Variants in CFAP210 observed in about 807,000 individuals in gnomAD.
CFAP210 encodes cilia- and flagella- associated protein 210.
the CFAP210 span, among the ~76,000 whole-genome samples, chr2:169,686,073 C>T: frequency 6.6e-6 from 1 of 152,104 alleles, no homozygotes; most frequent in African/African-American, 2.4e-5. Flanking sequence ...AGTGGCTATT[C>T]ATAAGCACAA....
chr2:169,671,192 C>T, the CFAP210 span, among the ~76,000 whole-genome samples: 1 of 152,160 alleles, frequency 6.6e-6, no homozygotes, highest in Admixed American at 6.5e-5. Flanking sequence ...ATACTACAGC[C>T]ATCTTGACTA....
At chr2:169,667,039 G>C in the CFAP210 span, among the ~76,000 whole-genome samples, 15,194 of 151,864 alleles carry the variant, frequency 0.1, 961 homozygotes, top group Middle Eastern at 0.19. Context: ...CTGAAGTCTT[G>C]AACCCCTCAA....
At chr2:169,675,041 C>T in the CFAP210 span, 1 of 1,477,926 alleles carries the variant, frequency 6.8e-7, no homozygotes, top group Non-Finnish European at 8.9e-7. Context: ...CTTTCATCCC[C>T]TGTAAAAAGA....
the CFAP210 span, chr2:169,681,319 T>C: frequency 1.0e-6 from 1 of 965,364 alleles, no homozygotes; most frequent in African/African-American, 1.6e-5. Flanking sequence ...ATTGGCATGA[T>C]AACTGGAAAT....
chr2:169,662,523 G>A, the CFAP210 span: 5 of 1,155,936 alleles, frequency 4.3e-6, no homozygotes, highest in African/African-American at 3.2e-5. Context: ...AACCTGGAAT[G>A]AGTTGAAGCT....
the CFAP210 span, among the ~76,000 whole-genome samples, chr2:169,669,774 T>TAAA: frequency 1.7e-4 from 22 of 133,218 alleles, no homozygotes; most frequent in South Asian, 3.2e-3. Context: ...GACTCCGTCT[T>TAAA]AAAAAAAAAA....
chr2:169,678,051 A>G, the CFAP210 span, among the ~76,000 whole-genome samples: 19 of 152,190 alleles, frequency 1.2e-4, no homozygotes, highest in African/African-American at 4.3e-4. Flanking sequence ...GACAGAAATT[A>G]AGACTTAGGC....
the CFAP210 span, chr2:169,661,467 C>T: frequency 3.2e-6 from 1 of 315,726 alleles, no homozygotes; most frequent in Non-Finnish European, 6.2e-6. Flanking sequence ...GACAGCTCCT[C>T]AGCAGTGCTA....
the CFAP210 span, among the ~76,000 whole-genome samples, chr2:169,653,030 ATATATATATATATATATATAT>A: frequency 4.4e-4 from 4 of 9,060 alleles, 1 homozygote; most frequent in Non-Finnish European, 7.4e-4. Context: ...AAAAAAAAAA[ATATATATATATATATATATAT>A]ATATATATAT....
chr2:169,654,441 T>A, the CFAP210 span, among the ~76,000 whole-genome samples: 2 of 152,164 alleles, frequency 1.3e-5, no homozygotes, highest in South Asian at 2.1e-4. Context: ...AACCTCTAAA[T>A]ATTCAATCAT....
chr2:169,679,193 G>T, the CFAP210 span, among the ~76,000 whole-genome samples: 1 of 152,218 alleles, frequency 6.6e-6, no homozygotes, highest in Admixed American at 6.5e-5. Flanking sequence ...ATGGTTCATA[G>T]ACCTATACAG....
chr2:169,685,251 T>G, the CFAP210 span, among the ~76,000 whole-genome samples: 24 of 152,366 alleles, frequency 1.6e-4, no homozygotes, highest in African/African-American at 5.5e-4. Flanking sequence ...TTTCAATTTC[T>G]CCACATCCTT....
At chr2:169,663,273 C>CT in the CFAP210 span, among the ~76,000 whole-genome samples, 188 of 145,928 alleles carry the variant, frequency 1.3e-3, no homozygotes, top group Middle Eastern at 3.6e-3. Flanking sequence ...CCCTCTCTCT[C>CT]TTTTTTTTTT....
chr2:169,679,148 AT>A, the CFAP210 span, among the ~76,000 whole-genome samples: 2 of 152,342 alleles, frequency 1.3e-5, no homozygotes, highest in African/African-American at 4.8e-5. Context: ...AACAAAAAAA[AT>A]CAATACCTCA....
At chr2:169,684,649 G>A in the CFAP210 span, among the ~76,000 whole-genome samples, 3 of 58,766 alleles carry the variant, frequency 5.1e-5, no homozygotes, top group African/African-American at 1.0e-4. Context: ...ATTCCTTTTC[G>A]TTGTTGTTGT....
At chr2:169,693,508 T>C in the CFAP210 span, among the ~76,000 whole-genome samples, 1 of 152,338 alleles carries the variant, frequency 6.6e-6, no homozygotes, top group African/African-American at 2.4e-5. Context: ...CAGGGGGCAC[T>C]ATTGCTACAG....
the CFAP210 span, among the ~76,000 whole-genome samples, chr2:169,675,442 C>T: frequency 2.0e-5 from 3 of 152,072 alleles, no homozygotes; most frequent in African/African-American, 7.2e-5. Flanking sequence ...ACAATTGTGG[C>T]GGAAGGCAAA....
At chr2:169,684,225 A>G in the CFAP210 span, among the ~76,000 whole-genome samples, 6 of 152,250 alleles carry the variant, frequency 3.9e-5, no homozygotes, top group African/African-American at 1.4e-4. Context: ...GAGGGGACAA[A>G]AGCAGTGGCA....
the CFAP210 span, chr2:169,674,940 C>T: frequency 7.8e-6 from 12 of 1,532,892 alleles, no homozygotes; most frequent in African/African-American, 5.6e-5. Context: ...TTTTCTTTTT[C>T]CTTGTTTGTA....
Sources: gnomAD v4.1 joint callset for allele counts (sites outside exome capture counted in the v4.1 genomes callset) on GRCh38, gnomAD v4.1.1 for gene constraint, MANE v1.5 for transcripts, NCBI Gene and HGNC (gene_info 2026-07-23, HGNC 2026-07-21) for gene names.